SERPINB5: variants seen among roughly 807,000 people sequenced by gnomAD.
SERPINB5 encodes serpin family B member 5.
A neutral mutation model predicts 32.2 loss-of-function variants in SERPINB5; 27 were observed. The observed-to-expected ratio is 0.84, with a 90% CI of 0.62 to 1.16. SERPINB5 has a LOEUF of 1.16. Among genes scored for constraint, SERPINB5 ranks in the 50% most tolerant of loss-of-function variants. The pLI is 0.00. For synonymous variants in SERPINB5, 154 were observed against 157.4 expected, an observed-to-expected ratio of 0.98 and a Z score of 0.16; for missense variants, 388 against 436.3, an observed-to-expected ratio of 0.89 and a Z score of 0.99.
Position 63,489,418 on chromosome 18 carries a change from A to G in SERPINB5, c.378A>G (p.Glu126=). The G allele has an allele frequency of 6.2e-7, 1 of 1,613,426 alleles. No homozygotes were observed. The highest frequency in any genetic ancestry group is 8.5e-7 in the Non-Finnish European group (1 of 1,179,640). ...LETVDFKDKL[E]ETKGQINNSI... ...CTGTTGACTTCAAAGATAAATTGGA[A>G]GAAACGAAAGGTCAGATCAACAACT... is the stretch of plus-strand genomic sequence containing the variant. Residue 126 remains glutamate (E), a synonymous_variant, in exon 4 of 7, where the codon GAA becomes GAG. Transcript: ENST00000382771.
chr18:63,489,430 T>A lies in SERPINB5; in HGVS notation c.390T>A (p.Gly130=). The A allele has an allele frequency of 6.2e-7, 1 of 1,612,574 alleles. No individual in the cohort carries two copies. Among genetic ancestry groups the A allele is most frequent in the Non-Finnish European group, 8.5e-7 (1 of 1,179,082 alleles). Residue 130 remains glycine (G), a synonymous_variant, in exon 4 of 7, where the codon GGT becomes GGA. Coordinates refer to ENST00000382771, the MANE Select transcript of SERPINB5 (RefSeq NM_002639.5). ...AAGATAAATTGGAAGAAACGAAAGG[T>A]CAGATCAACAACTCAATTAAGGATC... ...DFKDKLEETK[G]QINNSIKDLT... is the part of the protein sequence containing the mutation.
At chr18:63,491,611 G>A (rs958262162) in intron 4 of SERPINB5, among the ~76,000 whole-genome samples, 2 of 151,454 alleles carry the variant, frequency 1.3e-5, no homozygotes, top group Middle Eastern at 3.4e-3. Context: ...AGTAGCTGGG[G>A]CTACAGGTGC....
intron 5 of SERPINB5, chr18:63,497,045 G>A: frequency 1.8e-6 from 1 of 564,116 alleles, no homozygotes; most frequent in Non-Finnish European, 3.4e-6. Context: ...GTTGTACTAG[G>A]GGTCTAATCC....
chr18:63,488,600 T>G (rs1467316062), intron 3 of SERPINB5, among the ~76,000 whole-genome samples: 1 of 152,204 alleles, frequency 6.6e-6, no homozygotes, highest in East Asian at 1.9e-4. Context: ...ATAAGAACTA[T>G]CTGGGTGTTA....
chr18:63,499,357 G>A (rs982920719), intron 6 of SERPINB5, 70 bp downstream of exon 6: 2 of 1,339,614 alleles, frequency 1.5e-6, no homozygotes, highest in Middle Eastern at 2.3e-4. Flanking sequence ...CAACAGGTCT[G>A]TGTGGGCCGT....
chr18:63,485,216 GTTTTAGGGTTTC>G (rs1568108529), intron 2 of SERPINB5, among the ~76,000 whole-genome samples: 1 of 152,066 alleles, frequency 6.6e-6, no homozygotes, highest in Non-Finnish European at 1.5e-5. Flanking sequence ...CATCTGTATC[GTTTTAGGGTTTC>G]TTTCTGGCTA....
In SERPINB5 at chr18:63,499,329, C is replaced by T. The variant is rs376555656; in HGVS notation, c.735+42C>T. On this transcript the variant is annotated intron_variant, in intron 6 of 6. Coordinates refer to ENST00000382771, the MANE Select transcript of SERPINB5 (RefSeq NM_002639.5). ...TGCTCTCCACAAAGGCACCCCCTGC[C>T]TTGGCAAAGAGTTGTGCCAACAGGT... 104 of 1,431,550 alleles carry T rather than the reference C, an allele frequency of 7.3e-5. No individual in the cohort carries two copies. The African/African-American group carries it at 1.4e-3, about 19-fold the overall frequency. 88.7% of individuals were successfully genotyped at this position (1,431,550 alleles called of 1,614,324 possible).
intron 4 of SERPINB5, among the ~76,000 whole-genome samples, chr18:63,491,269 T>TCACGC (rs1909326991): frequency 2.0e-5 from 3 of 151,482 alleles, no homozygotes; most frequent in African/African-American, 7.3e-5. Context: ...GGGCATGGTG[T>TCACGC]CACGCACCTG....
intron 5 of SERPINB5, among the ~76,000 whole-genome samples, chr18:63,496,128 GAT>G: frequency 9.6e-6 from 1 of 104,188 alleles, no homozygotes; most frequent in African/African-American, 3.0e-5. Flanking sequence ...CTTTTCAGAA[GAT>G]ATGTCGTCTC....
At chr18:63,497,576 A>T (rs1316785691) in intron 5 of SERPINB5, among the ~76,000 whole-genome samples, 1 of 152,138 alleles carries the variant, frequency 6.6e-6, no homozygotes, top group African/African-American at 2.4e-5. Flanking sequence ...ACTTAGAGAT[A>T]ATTTTAAAGA....
rs1909613630 is a variant in SERPINB5 at position 63,503,520 on chromosome 18, A to G, written c.926A>G (p.Glu309Gly). The G allele has an allele frequency of 1.2e-6, 2 of 1,614,252 alleles. No individual in the cohort carries two copies. Among genetic ancestry groups the G allele is most frequent in the Middle Eastern group, 1.6e-4 (1 of 6,062 alleles). ...ACATCTGATTTCTCTGGAATGTCAG[A>G]GACCAAGGGAGTGGCCCTATCAAAT... ...EDTSDFSGMS[E>G]TKGVALSNVI... The change falls in exon 7 of 7, where the codon GAG (glutamate) becomes GGG (glycine). Residue 309 changes from glutamate (E) to glycine (G), a missense_variant. Coordinates refer to ENST00000382771, the MANE Select transcript of SERPINB5 (RefSeq NM_002639.5).
intron 5 of SERPINB5, chr18:63,493,395 C>T: frequency 1.8e-6 from 1 of 554,164 alleles, no homozygotes; most frequent in Non-Finnish European, 3.2e-6. Flanking sequence ...CATCTGAGAA[C>T]TTTAGCAGAA....
chr18:63,485,773 C>T (rs1270231845), intron 2 of SERPINB5: 1 of 152,692 alleles, frequency 6.5e-6, no homozygotes, highest in Non-Finnish European at 1.5e-5. Context: ...CTCCTTCATC[C>T]ATCTTTAGGC....
chr18:63,503,299 A>C (rs768882006), intron 6 of SERPINB5, 31 bp from the exon 7 acceptor site: 170 of 1,581,292 alleles, frequency 1.1e-4, no homozygotes, highest in Non-Finnish European at 1.2e-4. Flanking sequence ...GAAATAAATA[A>C]AAATAATTTC....
chr18:63,494,953 A>T (rs1051289323), intron 5 of SERPINB5, among the ~76,000 whole-genome samples: 5 of 152,206 alleles, frequency 3.3e-5, no homozygotes, highest in African/African-American at 1.2e-4. Flanking sequence ...GTTTGCTTAA[A>T]CAATCAATAG....
chr18:63,500,401 A>G (rs1256374497), intron 6 of SERPINB5, among the ~76,000 whole-genome samples: 1 of 152,160 alleles, frequency 6.6e-6, no homozygotes, highest in African/African-American at 2.4e-5. Context: ...TGTGTTGTAC[A>G]TTTATGAGAT....
At chr18:63,484,701 G>A (rs1459448196) in intron 2 of SERPINB5, 105 bp downstream of exon 2, 1 of 815,256 alleles carries the variant, frequency 1.2e-6, no homozygotes, top group African/African-American at 1.8e-5. Flanking sequence ...GCCAGAATTG[G>A]TCAAGATTCA....
chr18:63,497,535 C>A, intron 5 of SERPINB5: 2 of 415,952 alleles, frequency 4.8e-6, no homozygotes, highest in South Asian at 2.9e-5. Flanking sequence ...TACAGTGGAG[C>A]TCAAAGGGAC....
intron 4 of SERPINB5, among the ~76,000 whole-genome samples, chr18:63,491,481 C>A (rs1209736848): frequency 7.7e-6 from 1 of 129,446 alleles, no homozygotes; most frequent in East Asian, 2.3e-4. Flanking sequence ...TTCTTTCTTT[C>A]ATTTTTTTTT....
Sources: gnomAD v4.1 joint callset for allele counts (sites outside exome capture counted in the v4.1 genomes callset) on GRCh38, gnomAD v4.1.1 for gene constraint, MANE v1.5 for transcripts, NCBI Gene and HGNC (gene_info 2026-07-23, HGNC 2026-07-21) for gene names.